Variants in KNTC1 observed in about 807,000 individuals in gnomAD.
KNTC1 encodes kinetochore-associated protein 1.
A neutral mutation model predicts 314.4 loss-of-function variants in KNTC1; 253 were observed. That is an observed-to-expected ratio of 0.80 (90% CI 0.73 to 0.89). The LOEUF (loss-of-function observed/expected upper bound fraction) is 0.89, where lower values mean the gene tolerates loss of function less well. Among genes scored for constraint, KNTC1 ranks in the 40% least tolerant of loss-of-function variants. The pLI is 0.00. For missense variants in KNTC1, 2,475 were observed against 2,572.9 expected (o/e 0.96, Z 0.82); for synonymous variants, 901 against 901.4 (o/e 1.00, Z 0.01).
chr12:122,598,937 A>G (rs1202421564), intron 44 of KNTC1, among the ~76,000 whole-genome samples: 1 of 151,314 alleles, frequency 6.6e-6, no homozygotes, highest in Admixed American at 6.6e-5. Flanking sequence ...AGCCTCCCAG[A>G]TAGCTGGAAC....
intron 42 of KNTC1, chr12:122,593,980 T>C: frequency 3.0e-6 from 1 of 332,178 alleles, no homozygotes; most frequent in East Asian, 6.0e-5. Flanking sequence ...AGAAATGCTA[T>C]ATGTTTTGAA....
chr12:122,576,991 T>C lies in KNTC1; in HGVS notation c.2683T>C (p.Tyr895His). The C allele has an allele frequency of 6.3e-7, 1 of 1,583,832 alleles. No homozygotes were observed. The highest frequency in any genetic ancestry group is 1.2e-5 in the South Asian group (1 of 86,694). The change falls in exon 30 of 64, where the codon TAC (tyrosine) becomes CAC (histidine). Residue 895 changes from tyrosine to histidine, a missense_variant. Coordinates refer to ENST00000333479, the MANE Select transcript of KNTC1 (RefSeq NM_014708.6). The stretch of plus-strand genomic sequence containing the variant: ...GTTTATGTTATCTGATGATGAGATC[T>C]ACAGTCTAAGAATTATTGACCTGAT... Reference protein sequence around the residue: ...QAFMLSDDEIYSLRIIDLIDR... With the variant: ...QAFMLSDDEIHSLRIIDLIDR...
At chr12:122,535,487 A>C (rs114112486) in intron 3 of KNTC1, among the ~76,000 whole-genome samples, 2,837 of 152,196 alleles carry the variant, frequency 0.019, 86 homozygotes, top group African/African-American at 0.06. Context: ...CTACTAATAT[A>C]CAAAAATTAG....
At chr12:122,548,205 A>T (rs1962928419) in intron 12 of KNTC1, among the ~76,000 whole-genome samples, 1 of 152,014 alleles carries the variant, frequency 6.6e-6, no homozygotes, top group Non-Finnish European at 1.5e-5. Flanking sequence ...TGTTTATTTT[A>T]TTTTATTATT....
At chr12:122,566,049 T>C (rs1964312997) in intron 20 of KNTC1, among the ~76,000 whole-genome samples, 1 of 150,926 alleles carries the variant, frequency 6.6e-6, no homozygotes, top group Non-Finnish European at 1.5e-5. Flanking sequence ...TTCAAGTGAT[T>C]CTCCTGCCTC....
chr12:122,554,076 A>AAAAAAAAAAATATATATAT (rs370146333), intron 16 of KNTC1, among the ~76,000 whole-genome samples: 2 of 109,064 alleles, frequency 1.8e-5, no homozygotes, highest in African/African-American at 7.8e-5. Flanking sequence ...AAAAAAAAAA[A>AAAAAAAAAAATATATATAT]ATATATATAT....
intron 63 of KNTC1, among the ~76,000 whole-genome samples, chr12:122,625,134 G>T (rs1874879293): frequency 6.6e-6 from 1 of 152,170 alleles, no homozygotes; most frequent in Non-Finnish European, 1.5e-5. Context: ...GCTGGGCACG[G>T]TGGCTCACAC....
intron 59 of KNTC1, 132 bp downstream of exon 59, chr12:122,618,677 T>C: frequency 2.6e-6 from 2 of 757,746 alleles, no homozygotes; most frequent in Non-Finnish European, 4.3e-6. Flanking sequence ...GTTGTTGTTG[T>C]TGTTGTTTTG....
At chr12:122,584,214 G>A in intron 34 of KNTC1, 64 bp from the exon 35 acceptor site, 1 of 1,139,404 alleles carries the variant, frequency 8.8e-7, no homozygotes, top group Non-Finnish European at 1.3e-6. Flanking sequence ...ATTAATCCAA[G>A]AAAGGCCATG....
At chr12:122,584,795 C>A (rs145567814) in intron 35 of KNTC1, 98 bp from the exon 36 acceptor site, 1 of 685,196 alleles carries the variant, frequency 1.5e-6, no homozygotes, top group Non-Finnish European at 2.4e-6. Context: ...ACATTGTGGC[C>A]TTCCTTAGAA....
chr12:122,619,337 A>G (rs1874147543), intron 59 of KNTC1, among the ~76,000 whole-genome samples: 1 of 150,588 alleles, frequency 6.6e-6, no homozygotes, highest in African/African-American at 2.4e-5. Flanking sequence ...ACGCCTGGCT[A>G]ATATTTGTAG....
chr12:122,564,479 A>C (rs891680590), intron 20 of KNTC1, among the ~76,000 whole-genome samples: 1 of 152,044 alleles, frequency 6.6e-6, no homozygotes, highest in African/African-American at 2.4e-5. Flanking sequence ...GGGTCCTAAA[A>C]CATATAAAAC....
At chr12:122,576,451 T>C (rs1445617525) in intron 29 of KNTC1, among the ~76,000 whole-genome samples, 1 of 152,022 alleles carries the variant, frequency 6.6e-6, no homozygotes, top group South Asian at 2.1e-4. Context: ...GAGGCCAAGG[T>C]GGGTGGATCA....
intron 31 of KNTC1, among the ~76,000 whole-genome samples, chr12:122,579,593 C>T (rs996668120): frequency 6.6e-6 from 1 of 151,964 alleles, no homozygotes; most frequent in Non-Finnish European, 1.5e-5. Flanking sequence ...TTCTTTTTAA[C>T]TTTTCCAAAT....
intron 53 of KNTC1, chr12:122,611,127 GAC>G: frequency 1.9e-6 from 1 of 513,812 alleles, no homozygotes; most frequent in Non-Finnish European, 3.5e-6. Context: ...TGCACCTATT[GAC>G]AGTTTCCACT....
chr12:122,558,539 A>G (rs1593537725), intron 18 of KNTC1, among the ~76,000 whole-genome samples: 1 of 152,130 alleles, frequency 6.6e-6, no homozygotes, highest in East Asian at 1.9e-4. Flanking sequence ...CGACAGAGCA[A>G]GACTCCGTCT....
intron 13 of KNTC1, 61 bp from the exon 14 acceptor site, chr12:122,551,258 G>A: frequency 1.8e-6 from 2 of 1,087,856 alleles, no homozygotes; most frequent in Non-Finnish European, 2.7e-6. Context: ...AGTTACTCTA[G>A]TAATTATAAA....
At chr12:122,565,272 T>G (rs1257929635) in intron 20 of KNTC1, among the ~76,000 whole-genome samples, 3 of 144,522 alleles carry the variant, frequency 2.1e-5, no homozygotes, top group Admixed American at 7.1e-5. Context: ...AAAACAGAGC[T>G]ATTTCTGTGG....
At chr12:122,605,178 C>T (rs1872445032) in intron 50 of KNTC1, 91 bp downstream of exon 50, 1 of 1,130,278 alleles carries the variant, frequency 8.8e-7, no homozygotes, top group South Asian at 1.5e-5. Context: ...ATATATATTA[C>T]TTACATATGC....
Sources: gnomAD v4.1 joint callset for allele counts (sites outside exome capture counted in the v4.1 genomes callset) on GRCh38, gnomAD v4.1.1 for gene constraint, MANE v1.5 for transcripts, NCBI Gene and HGNC (gene_info 2026-07-23, HGNC 2026-07-21) for gene names.